Variants in POLR3H observed in about 807,000 individuals in gnomAD.
POLR3H encodes DNA-directed RNA polymerase III subunit RPC8.
In POLR3H, 17 loss-of-function variants were observed where a neutral mutation model predicts 25.5. The ratio of observed to expected loss-of-function variants is 0.67; its 90% CI spans 0.46 to 1.00. POLR3H has a LOEUF of 1.00. Among genes scored for constraint, POLR3H ranks in the 50% least tolerant of loss-of-function variants. The pLI is 0.00. For missense variants in POLR3H, 274 were observed against 265.0 expected (o/e 1.03, Z -0.24); for synonymous variants, 129 against 103.0 (o/e 1.25, Z -1.53).
chr22:41,540,327 C>G (rs536191487), intron 2 of POLR3H: 74 of 357,742 alleles, frequency 2.1e-4, no homozygotes, highest in African/African-American at 1.4e-3. Flanking sequence ...GCCTTGAAAA[C>G]CAACTAGTCC....
chr22:41,539,448 G>C (rs781305768), intron 2 of POLR3H: 4 of 152,378 alleles, frequency 2.6e-5, no homozygotes, highest in Non-Finnish European at 4.4e-5. Flanking sequence ...CCAGACATGA[G>C]AATGAAGAAT....
In POLR3H at chr22:41,527,118, G is replaced by A. The variant is rs1051956670; in HGVS notation, c.*2165C>T. On this transcript the variant is annotated 3_prime_UTR_variant, in exon 6 of 6. Coordinates refer to ENST00000355209, the MANE Select transcript of POLR3H (RefSeq NM_001018050.4). ...GGGGCCTCGTTTGGGTCTCATTCAC[G>A]CAGGCTTCACTTGCCCTTAGGCAGC... The A allele has an allele frequency of 1.6e-5, 15 of 955,312 alleles. No individual in the cohort carries two copies. The highest frequency in any genetic ancestry group is 6.6e-5 in the African/African-American group (4 of 60,496). 59.2% of individuals were successfully genotyped at this position (955,312 alleles called of 1,614,324 possible). A position where few individuals can be genotyped will look rare whatever the true frequency, so the allele number is the denominator to read the frequency against.
chr22:41,527,710 C>G lies in POLR3H; in HGVS notation c.*1573G>C. ...TGTGCAGCAGGAAGGCCTCGCAGAC[C>G]TCAGCACCAGCGCACACTTGCTAGG... On this transcript the variant is annotated 3_prime_UTR_variant, in exon 6 of 6. Coordinates refer to ENST00000355209, the MANE Select transcript of POLR3H (RefSeq NM_001018050.4). The G allele has an allele frequency of 1.1e-6, 1 of 937,060 alleles. No homozygotes were observed. The allele number at this position is 937,060 out of a possible 1,614,324, so 58.0% of individuals were successfully genotyped here. A position where few individuals can be genotyped will look rare whatever the true frequency, so the allele number is the denominator to read the frequency against.
intron 4 of POLR3H, 58 bp downstream of exon 4, chr22:41,532,036 C>A: frequency 6.6e-7 from 1 of 1,515,832 alleles, no homozygotes; most frequent in East Asian, 2.3e-5. Context: ...GAGTGGGGAC[C>A]TTCCTTTGGA....
intron 2 of POLR3H, chr22:41,539,948 G>A (rs907845987): frequency 6.2e-6 from 1 of 160,144 alleles, no homozygotes; most frequent in Admixed American, 5.7e-5. Context: ...CCAAGGCTCT[G>A]TCCTAAGAGC....
chr22:41,536,549 T>TA (rs1168847556), intron 2 of POLR3H, among the ~76,000 whole-genome samples: 1 of 146,458 alleles, frequency 6.8e-6, no homozygotes, highest in Non-Finnish European at 1.5e-5. Flanking sequence ...AAATAAATGA[T>TA]AAACATGTCA....
In POLR3H at chr22:41,540,806, A is replaced by G; in HGVS notation, c.112-11T>C. On this transcript the variant is annotated splice_polypyrimidine_tract_variant and intron_variant, in intron 1 of 5. Coordinates refer to ENST00000355209, the MANE Select transcript of POLR3H (RefSeq NM_001018050.4). Reference sequence around the variant, plus strand: ...CACGTTGTACACGACCTGCATGCATACAAACACAGACACACAAGTACACAT... The same window carrying G: ...CACGTTGTACACGACCTGCATGCATGCAAACACAGACACACAAGTACACAT... 1 of 1,601,302 alleles carries G rather than the reference A, an allele frequency of 6.2e-7. No homozygotes were observed. Among genetic ancestry groups the G allele is most frequent in the Non-Finnish European group, 8.6e-7 (1 of 1,168,470 alleles).
At position 41,532,674 on chromosome 22, in the gene POLR3H, GGCTGCA is replaced by G. The variant is rs749749096; in HGVS notation, c.274_279del (p.Cys92_Ser93del). 10 of 1,613,876 alleles carry G rather than the reference GGCTGCA, an allele frequency of 6.2e-6. No individual in the cohort carries two copies. Among genetic ancestry groups the G allele is most frequent in the Non-Finnish European group, 8.5e-6 (10 of 1,179,980 alleles). The stretch of plus-strand genomic sequence containing the variant: ...CCACTGTTACCGTGCACTCCTTCTG[GGCTGCA>G]GCCTTTGATCTTCCCAATGAGAATC... On this transcript the variant is annotated inframe_deletion, in exon 3 of 6. Coordinates refer to ENST00000355209, the MANE Select transcript of POLR3H (RefSeq NM_001018050.4).
chr22:41,530,938 C>T, intron 4 of POLR3H, 50 bp from the exon 5 acceptor site: 1 of 1,571,122 alleles, frequency 6.4e-7, no homozygotes, highest in Non-Finnish European at 8.7e-7. Context: ...GAGGGGCTTC[C>T]CTCAGCACCC....
chr22:41,538,132 A>ATTT (rs71184815), intron 2 of POLR3H, among the ~76,000 whole-genome samples: 1 of 129,244 alleles, frequency 7.7e-6, no homozygotes, highest in Non-Finnish European at 1.7e-5. Flanking sequence ...CACCCAAATA[A>ATTT]TTTTTTTTTT....
chr22:41,530,775 A>T lies in POLR3H; in HGVS notation c.473T>A (p.Val158Asp), dbSNP rs1271048877. 1.9e-6 allele frequency: 3 copies of T among 1,614,108 alleles called. No homozygotes were observed. In the South Asian group the frequency reaches 3.3e-5, roughly 18 times the overall value. ...IRFRVVDESF[V>D]DTSPTGPSSA... Reference sequence around the variant, plus strand: ...GCTGGGCCCTGTGGGGGACGTGTCAACAAAGCTCTCGTCCACCACCCGGAA... The same window carrying T: ...GCTGGGCCCTGTGGGGGACGTGTCATCAAAGCTCTCGTCCACCACCCGGAA... The change falls in exon 5 of 6, where the codon GTT becomes GAT. Residue 158 changes from valine to aspartate, a missense_variant. By Grantham distance (152) the Val-to-Asp change is radical. Transcript: ENST00000355209.
chr22:41,537,814 C>CTT (rs951407984), intron 2 of POLR3H, among the ~76,000 whole-genome samples: 1 of 148,376 alleles, frequency 6.7e-6, no homozygotes, highest in Admixed American at 6.7e-5. Flanking sequence ...TTTCCTCCAA[C>CTT]TTTTTTTTTT....
At position 41,542,376 on chromosome 22, in the gene POLR3H, G is replaced by A. The variant is rs1396158367; in HGVS notation, c.112-1581C>T. Among the ~76,000 whole-genome samples the A allele has an allele frequency of 3.3e-5, 5 of 151,936 alleles. No homozygotes were observed. In the East Asian group the frequency reaches 5.8e-4, roughly 18 times the overall value. On this transcript the variant is annotated intron_variant, in intron 1 of 5. Coordinates refer to ENST00000355209, the MANE Select transcript of POLR3H (RefSeq NM_001018050.4). ...TGGGATTACAGGTGTGAGCCCCCACGCCCGGCCTGTATTCCTTCTTCACAG... is the reference window on the plus strand; with the variant it reads ...TGGGATTACAGGTGTGAGCCCCCACACCCGGCCTGTATTCCTTCTTCACAG...
chr22:41,528,779 T>G lies in POLR3H; in HGVS notation c.*504A>C, dbSNP rs1601940920. The G allele has an allele frequency of 5.9e-6, 6 of 1,018,930 alleles. No homozygotes were observed. Among genetic ancestry groups the G allele is most frequent in the Non-Finnish European group, 6.9e-6 (5 of 729,010 alleles). The allele number at this position is 1,018,930 out of a possible 1,614,324, so 63.1% of individuals were successfully genotyped here. On this transcript the variant is annotated 3_prime_UTR_variant, in exon 6 of 6. Transcript: ENST00000355209. ...AGTGACTGTGGTTGTGGTGGGGGGGTTCTTAAAATAACTTTTTAGCCCCCG... is the reference window on the plus strand; with the variant it reads ...AGTGACTGTGGTTGTGGTGGGGGGGGTCTTAAAATAACTTTTTAGCCCCCG...
Position 41,543,415 on chromosome 22 carries a change from C to A in POLR3H, c.111+576G>T, listed in dbSNP as rs527395086. Among the ~76,000 whole-genome samples, 6 of 152,036 alleles carry A rather than the reference C, an allele frequency of 3.9e-5. No homozygotes were observed. In the East Asian group the frequency reaches 7.8e-4, roughly 20 times the overall value. On this transcript the variant is annotated intron_variant, in intron 1 of 5. Coordinates refer to ENST00000355209, the MANE Select transcript of POLR3H (RefSeq NM_001018050.4). ...GGCCGAGGCGGGGGGATCAAGAGAT[C>A]GAGACCATCCTGGCCAAAATGGTGA...
rs1601932466 is a variant in POLR3H, at chr22:41,526,121, A to G, written c.*3162T>C. The G allele has an allele frequency of 1.5e-6, 1 of 681,398 alleles. No individual in the cohort carries two copies. Among genetic ancestry groups the G allele is most frequent in the Non-Finnish European group, 2.5e-6 (1 of 403,910 alleles). 42.2% of individuals were successfully genotyped at this position (681,398 alleles called of 1,614,324 possible). On this transcript the variant is annotated 3_prime_UTR_variant, in exon 6 of 6. Coordinates refer to ENST00000355209, the MANE Select transcript of POLR3H (RefSeq NM_001018050.4). ...GGTGGAAGCACCAGGACCACAGAAC[A>G]CGTGTCTGAAGACTTGCCTGCCTCT...
chr22:41,537,763 T>C (rs566516105), intron 2 of POLR3H, among the ~76,000 whole-genome samples: 1 of 152,198 alleles, frequency 6.6e-6, no homozygotes, highest in South Asian at 2.1e-4. Flanking sequence ...TGGGGGCTAA[T>C]AAAAGCCAGC....
rs747967278 is a variant in POLR3H, at chr22:41,526,238, T to TG, written c.*3044dup. ...CCCTCCAGGGCCATGCCCTGACCTC[T>TG]GTCCTCTCTACTTACCACCCAAGGT... On this transcript the variant is annotated 3_prime_UTR_variant, in exon 6 of 6. Transcript: ENST00000355209. 1.9e-5 allele frequency: 31 copies of TG among 1,604,528 alleles called. No individual in the cohort carries two copies. Among genetic ancestry groups the TG allele is most frequent in the Non-Finnish European group, 2.6e-5 (31 of 1,174,470 alleles).
In POLR3H at chr22:41,529,064, C is replaced by A; in HGVS notation, c.*219G>T. The A allele has an allele frequency of 1.7e-6, 1 of 577,292 alleles. No homozygotes were observed. Among genetic ancestry groups the A allele is most frequent in the Non-Finnish European group, 3.1e-6 (1 of 325,158 alleles). The allele number at this position is 577,292 out of a possible 1,614,324, so 35.8% of individuals were successfully genotyped here. On this transcript the variant is annotated 3_prime_UTR_variant, in exon 6 of 6. Coordinates refer to ENST00000355209, the MANE Select transcript of POLR3H (RefSeq NM_001018050.4). Reference sequence around the variant, plus strand: ...TCTTTTCAGTCAAGGTCAGTGGAGGCCCAACAGCCACAGCCACAGATGGAT... The same window carrying A: ...TCTTTTCAGTCAAGGTCAGTGGAGGACCAACAGCCACAGCCACAGATGGAT...
Sources: allele counts gnomAD v4.1 joint callset (sites outside exome capture counted in the v4.1 genomes callset), GRCh38; gene constraint gnomAD v4.1.1; transcripts MANE v1.5; gene names NCBI Gene and HGNC (gene_info 2026-07-23, HGNC 2026-07-21).